ZDHHC7: variants seen among roughly 807,000 people sequenced by gnomAD.
The protein encoded by ZDHHC7 is palmitoyltransferase ZDHHC7.
A neutral mutation model predicts 34.1 loss-of-function variants in ZDHHC7; 12 were observed. The ratio of observed to expected loss-of-function variants is 0.35; its 90% CI spans 0.23 to 0.57. The LOEUF (loss-of-function observed/expected upper bound fraction) is 0.57. Ranked by LOEUF, ZDHHC7 falls within the 20% of genes least tolerant of loss-of-function variation. The pLI, the probability that ZDHHC7 is intolerant of heterozygous loss-of-function variation, is 0.84. For missense variants in ZDHHC7, 388 were observed against 402.7 expected (o/e 0.96, Z 0.31); for synonymous variants, 185 against 155.4 (o/e 1.19, Z -1.42).
At chr16:84,982,128 A>G in intron 3 of ZDHHC7, 134 bp from the exon 4 acceptor site, 1 of 1,177,488 alleles carries the variant, frequency 8.5e-7, no homozygotes, top group Non-Finnish European at 1.2e-6. Flanking sequence ...TCAGGAGTTC[A>G]AGACCAGCCT....
In ZDHHC7 at chr16:84,977,101, G is replaced by A. The variant is rs199902848; in HGVS notation, c.744C>T (p.Asp248=). The A allele has an allele frequency of 1.5e-5, 25 of 1,614,188 alleles. No homozygotes were observed. The highest frequency in any genetic ancestry group is 7.6e-6 in the Non-Finnish European group (9 of 1,180,042). The change falls in exon 7 of 8, where the codon GAC becomes GAT. Residue 248 remains aspartate, a synonymous_variant. Coordinates refer to ENST00000313732, the MANE Select transcript of ZDHHC7 (RefSeq NM_017740.3). ...FGTQIHSICN[D]ETEIERLKSE... is the part of the protein sequence containing the mutation. ...AGCCGAGAACAAAGCTTACCGTCTC[G>A]TCGTTGCATATGGAGTGGATTTGGG...
At chr16:85,012,863 C>T (rs1345521976), upstream of ZDHHC7, among the ~76,000 whole-genome samples, 2 of 151,722 alleles carry the variant, frequency 1.3e-5, no homozygotes, top group Admixed American at 6.6e-5. Context: ...GCCGAGATCG[C>T]GCCATTGCAC....
chr16:85,013,084 C>A (rs2143778884), upstream of ZDHHC7, among the ~76,000 whole-genome samples: 1 of 152,224 alleles, frequency 6.6e-6, no homozygotes, highest in East Asian at 1.9e-4. Flanking sequence ...ATTCTAGACT[C>A]TTCTTAGCCC....
the ZDHHC7 span, among the ~76,000 whole-genome samples, chr16:85,017,900 C>G: frequency 6.6e-6 from 1 of 152,160 alleles, no homozygotes; most frequent in Non-Finnish European, 1.5e-5. Context: ...GTTTCTTTAA[C>G]CAAGGACTGG....
the ZDHHC7 span, among the ~76,000 whole-genome samples, chr16:85,024,659 C>T: frequency 7.3e-5 from 11 of 151,468 alleles, no homozygotes; most frequent in Non-Finnish European, 1.5e-4. Context: ...TGTAGCTTTT[C>T]CCTGCCTATC....
At chr16:85,016,841 G>C in the ZDHHC7 span, among the ~76,000 whole-genome samples, 2 of 152,024 alleles carry the variant, frequency 1.3e-5, no homozygotes, top group African/African-American at 2.4e-5. Context: ...TTTCTCAACG[G>C]AAGTGATATG....
At chr16:84,979,073 G>C (rs1423531923) in intron 5 of ZDHHC7, 116 bp downstream of exon 5, 81 of 983,260 alleles carry the variant, frequency 8.2e-5, no homozygotes, top group Non-Finnish European at 1.2e-4. Flanking sequence ...TTGAATCCTG[G>C]AGAAAAGGCT....
At chr16:85,026,783 C>T in the ZDHHC7 span, among the ~76,000 whole-genome samples, 3 of 152,018 alleles carry the variant, frequency 2.0e-5, no homozygotes, top group Admixed American at 6.6e-5. Flanking sequence ...AGAGACAGAG[C>T]TTGATCATTT....
chr16:85,025,882 C>T, the ZDHHC7 span, among the ~76,000 whole-genome samples: 2 of 152,204 alleles, frequency 1.3e-5, no homozygotes, highest in Admixed American at 6.5e-5. Context: ...GTCTTTGTCA[C>T]TGTTGTTTCA....
rs7197161 is a variant in ZDHHC7 at position 85,001,193 on chromosome 16, G to A, written c.-103-5186C>T. ...GATGGTTTAAAAGATAACTGGGGCC[G>A]GGCGCGGTGCCTCATGCCCGTAATC... On this transcript the variant is annotated intron_variant, in intron 1 of 7. Transcript: ENST00000313732. Among the ~76,000 whole-genome samples, 590 of 152,260 alleles carry A rather than the reference G, an allele frequency of 3.9e-3. 5 individuals carry two copies. The highest frequency in any genetic ancestry group is 0.013 in the African/African-American group (520 of 41,544).
intron 1 of ZDHHC7, among the ~76,000 whole-genome samples, chr16:84,999,396 G>C (rs1167021546): frequency 2.0e-5 from 3 of 152,188 alleles, no homozygotes; most frequent in African/African-American, 7.2e-5. Context: ...ATATAAATAT[G>C]AACACAAAAA....
chr16:85,016,482 G>T (rs911880789), upstream of ZDHHC7, among the ~76,000 whole-genome samples: 2 of 152,114 alleles, frequency 1.3e-5, no homozygotes, highest in African/African-American at 4.8e-5. Context: ...GAGAGACAAG[G>T]TCTTGCTCTG....
chr16:85,008,963 T>C (rs2072753698), intron 1 of ZDHHC7, among the ~76,000 whole-genome samples: 1 of 151,682 alleles, frequency 6.6e-6, no homozygotes, highest in Non-Finnish European at 1.5e-5. Flanking sequence ...GAGAATCGCT[T>C]TAACCCAGGA....
At chr16:85,019,124 C>G in the ZDHHC7 span, among the ~76,000 whole-genome samples, 1 of 152,196 alleles carries the variant, frequency 6.6e-6, no homozygotes, top group African/African-American at 2.4e-5. Context: ...GCTGTTAGGA[C>G]TTGACTCAGA....
In ZDHHC7 at chr16:84,999,063, G is replaced by A. The variant is rs556799874; in HGVS notation, c.-103-3056C>T. On this transcript the variant is annotated intron_variant, in intron 1 of 7. Coordinates refer to ENST00000313732, the MANE Select transcript of ZDHHC7 (RefSeq NM_017740.3). ...AGCCACCGTGCCCAGCCTAAATGCA[G>A]CATTTATATATAGTAACTTTATTCA... 5.3e-5 allele frequency among the ~76,000 whole-genome samples: 8 copies of A among 152,230 alleles called. No individual in the cohort carries two copies. The Middle Eastern group carries it at 0.01, about 194-fold the overall frequency.
chr16:84,996,435 T>C (rs1451233571), intron 1 of ZDHHC7, among the ~76,000 whole-genome samples: 1 of 152,046 alleles, frequency 6.6e-6, no homozygotes, highest in African/African-American at 2.4e-5. Flanking sequence ...CAGGCCCTGC[T>C]GTGGGAGGGG....
intron 3 of ZDHHC7, among the ~76,000 whole-genome samples, chr16:84,984,838 G>A (rs548598207): frequency 1.3e-5 from 2 of 152,240 alleles, no homozygotes; most frequent in South Asian, 4.2e-4. Flanking sequence ...CTTTCGAGAT[G>A]TGGTTTGGCA....
At chr16:84,983,740 G>A (rs908034142) in intron 3 of ZDHHC7, among the ~76,000 whole-genome samples, 11 of 151,990 alleles carry the variant, frequency 7.2e-5, no homozygotes, top group African/African-American at 1.7e-4. Flanking sequence ...GGTGGCTCAC[G>A]GCTTTAATCC....
chr16:85,023,880 T>C, the ZDHHC7 span, among the ~76,000 whole-genome samples: 1 of 152,232 alleles, frequency 6.6e-6, no homozygotes, highest in South Asian at 2.1e-4. Context: ...CCTCCCAAAG[T>C]GCTGGGATTA....
Sources: allele counts gnomAD v4.1 joint callset (sites outside exome capture counted in the v4.1 genomes callset), GRCh38; gene constraint gnomAD v4.1.1; transcripts MANE v1.5; gene names NCBI Gene and HGNC (gene_info 2026-07-23, HGNC 2026-07-21).